Variants in VWA3B observed in about 807,000 individuals in gnomAD.
VWA3B encodes von Willebrand factor A domain-containing protein 3B.
VWA3B carries 138 observed loss-of-function variants against 158.3 expected under a neutral mutation model. The ratio of observed to expected loss-of-function variants is 0.87; its 90% confidence interval spans 0.76 to 1.00. VWA3B has a LOEUF of 1.00. Among genes scored for constraint, VWA3B ranks in the 50% least tolerant of loss-of-function variants. The pLI, the probability that VWA3B is intolerant of heterozygous loss-of-function variation, is 0.00. For synonymous variants in VWA3B, 596 were observed against 587.3 expected, an observed-to-expected ratio of 1.01 and a Z score of -0.21; for missense variants, 1,555 against 1,565.1, an observed-to-expected ratio of 0.99 and a Z score of 0.11.
At position 98,312,209 on chromosome 2, in the gene VWA3B, C is replaced by T. The variant is rs765141959; in HGVS notation, c.3745C>T (p.Leu1249Phe). Residue 1249 changes from leucine (L) to phenylalanine (F), a missense_variant, in exon 28 of 28, where the codon CTC becomes TTC. By Grantham distance (22) the Leu-to-Phe change is conservative. Coordinates refer to ENST00000477737, the MANE Select transcript of VWA3B (RefSeq NM_144992.5). ...AACTCTGCTTCCCCAGACAGCCCAC[C>T]TCCACTTCCCCGCGGCCGGGCGTCT... ...GTHPEPRTAH[L>F]HFPAAGRLGL... is the part of the protein sequence containing the mutation. The T allele has an allele frequency of 1.2e-6, 2 of 1,614,222 alleles. No homozygotes were observed. The highest frequency in any genetic ancestry group is 2.7e-5 in the African/African-American group (2 of 75,042).
intron 7 of VWA3B, among the ~76,000 whole-genome samples, chr2:98,142,357 C>G (rs904074045): frequency 4.9e-4 from 74 of 152,296 alleles, no homozygotes; most frequent in Admixed American, 5.2e-4. Flanking sequence ...TGGGGCCTGT[C>G]TCCTGTTCTC....
At chr2:98,328,072 G>A in the VWA3B span, among the ~76,000 whole-genome samples, 1 of 152,098 alleles carries the variant, frequency 6.6e-6, no homozygotes, top group South Asian at 2.1e-4. Flanking sequence ...ACAAGCCTCT[G>A]GGAGGTCTCA....
intron 6 of VWA3B, 117 bp from the exon 7 acceptor site, chr2:98,133,707 C>G (rs1048988704): frequency 1.0e-5 from 8 of 791,460 alleles, no homozygotes; most frequent in Non-Finnish European, 1.7e-5. Flanking sequence ...GTGACCATGG[C>G]TAAGAAGATG....
rs1558680580 is a variant in VWA3B, at chr2:98,212,027, AG to A, written c.1836+1del. 6.2e-7 allele frequency: 1 copy of A among 1,613,858 alleles called. No homozygotes were observed. The highest frequency in any genetic ancestry group is 1.7e-5 in the Admixed American group (1 of 60,012). On this transcript the variant is annotated frameshift_variant and splice_region_variant, in exon 13 of 28. Coordinates refer to ENST00000477737, the MANE Select transcript of VWA3B (RefSeq NM_144992.5). LOFTEE classifies it high-confidence loss of function. ...CTTCTGACCGATGGGAGACCTGATC[AG>A]GTACTTACCAGAGCTGGGAACAAAG... ...IYLLTDGRPD[Q>X]PPETVIDQVK...
intron 9 of VWA3B, among the ~76,000 whole-genome samples, chr2:98,183,930 G>T (rs1405856144): frequency 6.6e-6 from 1 of 152,156 alleles, no homozygotes; most frequent in Non-Finnish European, 1.5e-5. Flanking sequence ...CTTTTTTTCT[G>T]CACTACAAAC....
chr2:98,316,691 G>A (rs1691095554), downstream of VWA3B, among the ~76,000 whole-genome samples: 2 of 151,980 alleles, frequency 1.3e-5, no homozygotes, highest in Non-Finnish European at 2.9e-5. Flanking sequence ...TTTGAGGAGG[G>A]CCTGGTGGGA....
intron 26 of VWA3B, among the ~76,000 whole-genome samples, chr2:98,310,610 A>C (rs934744434): frequency 6.6e-6 from 1 of 152,188 alleles, no homozygotes; most frequent in African/African-American, 2.4e-5. Flanking sequence ...TAGCAATTTG[A>C]GGGATAGTTG....
chr2:98,310,242 G>A (rs2106023352), intron 26 of VWA3B, among the ~76,000 whole-genome samples: 1 of 152,236 alleles, frequency 6.6e-6, no homozygotes, highest in Admixed American at 6.5e-5. Flanking sequence ...ATACAAACGA[G>A]ACCTCAGGAA....
At chr2:98,306,237 G>A (rs142411658) in intron 26 of VWA3B, among the ~76,000 whole-genome samples, 9 of 152,014 alleles carry the variant, frequency 5.9e-5, no homozygotes, top group African/African-American at 2.2e-4. Flanking sequence ...ACCCGTAGAG[G>A]TTTCTGTTAA....
chr2:98,257,614 C>T (rs1687237220), intron 21 of VWA3B, among the ~76,000 whole-genome samples: 1 of 151,860 alleles, frequency 6.6e-6, no homozygotes, highest in African/African-American at 2.4e-5. Flanking sequence ...TTTTGATACA[C>T]ATTTTCTTAA....
At chr2:98,144,551 G>A (rs868420545) in intron 7 of VWA3B, among the ~76,000 whole-genome samples, 2 of 146,938 alleles carry the variant, frequency 1.4e-5, no homozygotes, top group African/African-American at 5.1e-5. Flanking sequence ...GGTGCCCATA[G>A]GGTTTTCTTT....
chr2:98,138,946 A>C (rs7575718), intron 7 of VWA3B, among the ~76,000 whole-genome samples: 98,447 of 152,192 alleles, frequency 0.65, 33,992 homozygotes, highest in African/African-American at 0.89. Flanking sequence ...GTGGGAGCCC[A>C]TTTCTGGGCT....
rs375054569 is a variant in VWA3B, at chr2:98,133,990, G to T, written c.988+51G>T. The T allele has an allele frequency of 4.8e-6, 7 of 1,461,566 alleles. No homozygotes were observed. The African/African-American group carries it at 9.8e-5, about 20-fold the overall frequency. 90.5% of individuals were successfully genotyped at this position (1,461,566 alleles called of 1,614,324 possible). On this transcript the variant is annotated intron_variant, in intron 7 of 27. Transcript: ENST00000477737. The stretch of plus-strand genomic sequence containing the variant: ...GTAGCTTATGTCCCGAATAGCCTCA[G>T]ACGACGTGGATCATTAGGAAGTAAA...
chr2:98,303,294 G>A (rs939162514), intron 25 of VWA3B, among the ~76,000 whole-genome samples: 1 of 152,094 alleles, frequency 6.6e-6, no homozygotes, highest in African/African-American at 2.4e-5. Flanking sequence ...CAGGGTGGAG[G>A]GGGAAGGATA....
intron 10 of VWA3B, among the ~76,000 whole-genome samples, chr2:98,191,163 T>C (rs1681540808): frequency 6.6e-6 from 1 of 152,272 alleles, no homozygotes; most frequent in Non-Finnish European, 1.5e-5. Flanking sequence ...ATTTCAGATA[T>C]TGTATCTCTC....
intron 21 of VWA3B, among the ~76,000 whole-genome samples, chr2:98,266,340 AAGATC>A (rs1169168094): frequency 6.6e-6 from 1 of 150,814 alleles, no homozygotes; most frequent in African/African-American, 2.4e-5. Flanking sequence ...AGGTTTGTCA[AAGATC>A]AGATAGTTGT....
At chr2:98,216,228 C>T (rs1683976446) in intron 13 of VWA3B, among the ~76,000 whole-genome samples, 1 of 152,180 alleles carries the variant, frequency 6.6e-6, no homozygotes, top group East Asian at 1.9e-4. Flanking sequence ...AAATATTAGT[C>T]TTCGTTAAAA....
intron 19 of VWA3B, among the ~76,000 whole-genome samples, chr2:98,240,764 T>C (rs1686025263): frequency 6.6e-6 from 1 of 152,114 alleles, no homozygotes; most frequent in Non-Finnish European, 1.5e-5. Context: ...CAGTTAGAAA[T>C]TTTTTTCTCT....
At chr2:98,251,278 C>T (rs1173397259) in intron 20 of VWA3B, among the ~76,000 whole-genome samples, 1 of 152,124 alleles carries the variant, frequency 6.6e-6, no homozygotes, top group Admixed American at 6.5e-5. Context: ...GTAAAGTTTT[C>T]CTTTTAGCAG....
Sources: allele counts gnomAD v4.1 joint callset (sites outside exome capture counted in the v4.1 genomes callset), GRCh38; gene constraint gnomAD v4.1.1; transcripts MANE v1.5; gene names NCBI Gene and HGNC (gene_info 2026-07-23, HGNC 2026-07-21).